The following SLC6A4 variants were observed in gnomAD, a reference collection of about 807,000 sequenced individuals.
The protein encoded by SLC6A4 is solute carrier family 6 member 4, also known as sodium-dependent serotonin transporter.
In SLC6A4, 22 loss-of-function variants were observed where a neutral mutation model predicts 73.4. The ratio of observed to expected loss-of-function variants is 0.30; its 90% confidence interval spans 0.21 to 0.43. The LOEUF (loss-of-function observed/expected upper bound fraction) is 0.43, where lower values mean the gene tolerates loss of function less well. SLC6A4 is among the 20% of genes least tolerant of loss of function. The pLI is 1.00. For synonymous variants in SLC6A4, 270 were observed against 315.5 expected, an observed-to-expected ratio of 0.86 and a Z score of 1.53; for missense variants, 593 against 808.5, an observed-to-expected ratio of 0.73 and a Z score of 3.23.
chr17:30,226,879 A>AAAAAAAAAAAG (rs1555590902), intron 1 of SLC6A4, among the ~76,000 whole-genome samples: 11 of 119,562 alleles, frequency 9.2e-5, no homozygotes, highest in African/African-American at 3.0e-4. Flanking sequence ...TCTCAAAAAA[A>AAAAAAAAAAAG]AAAGAAAAAG....
At chr17:30,215,932 C>T (rs1257357643) in intron 7 of SLC6A4, 150 bp downstream of exon 7, 25 of 790,848 alleles carry the variant, frequency 3.2e-5, no homozygotes, top group Non-Finnish European at 5.0e-5. Context: ...CTCAACTGTA[C>T]TTTAATGCTT....
intron 3 of SLC6A4, among the ~76,000 whole-genome samples, chr17:30,220,962 G>A (rs1906727102): frequency 6.6e-6 from 1 of 151,164 alleles, no homozygotes; most frequent in East Asian, 1.9e-4. Flanking sequence ...TGGCTTGCTG[G>A]AGATTTGACT....
chr17:30,221,856 C>T lies in SLC6A4; in HGVS notation c.103G>A (p.Gly35Arg). The T allele has an allele frequency of 1.2e-6, 2 of 1,614,200 alleles. No individual in the cohort carries two copies. The highest frequency in any genetic ancestry group is 2.2e-5 in the South Asian group (2 of 91,084). The stretch of plus-strand genomic sequence containing the variant: ...ATTTGCCCGGACTCCACTTTGTCCC[C>T]TGGGGTGGGAACAACCTTCTGTAGA... ...GVLQKVVPTP[G>R]DKVESGQISN... The change falls in exon 3 of 15, where the codon GGG (glycine) becomes AGG (arginine). Residue 35 changes from glycine (G) to arginine (R), a missense_variant. Gly to Arg is a moderately radical substitution (Grantham distance 125, BLOSUM62 -2). Coordinates refer to ENST00000650711, the MANE Select transcript of SLC6A4 (RefSeq NM_001045.6).
In SLC6A4 at chr17:30,216,045, T is replaced by C. The variant is rs1397113268; in HGVS notation, c.972+37A>G. ...GGAGGACCAGCTTCGTTTAGTAAAA[T>C]GACAGACAGGTACACATATTTCCCT... On this transcript the variant is annotated intron_variant, in intron 7 of 14. Coordinates refer to ENST00000650711, the MANE Select transcript of SLC6A4 (RefSeq NM_001045.6). 7 of 1,594,344 alleles carry C rather than the reference T, an allele frequency of 4.4e-6. No homozygotes were observed. In the South Asian group the frequency reaches 7.8e-5, roughly 18 times the overall value.
chr17:30,208,169 G>C (rs1231503862), intron 12 of SLC6A4, among the ~76,000 whole-genome samples: 2 of 152,136 alleles, frequency 1.3e-5, no homozygotes, highest in African/African-American at 4.8e-5. Context: ...ATGGGCATCT[G>C]GGAAGAGACA....
chr17:30,233,855 C>G (rs145288934), intron 1 of SLC6A4, among the ~76,000 whole-genome samples: 10 of 152,276 alleles, frequency 6.6e-5, no homozygotes, highest in Admixed American at 2.6e-4. Flanking sequence ...TATATTCTCT[C>G]CAATTATACC....
In SLC6A4 at chr17:30,222,192, A is replaced by G. The variant is rs143715508; in HGVS notation, c.-123-111T>C. The G allele has an allele frequency of 2.7e-3, 1,766 of 662,484 alleles. 2 individuals carry two copies. Among genetic ancestry groups the G allele is most frequent in the Non-Finnish European group, 3.7e-3 (1,450 of 396,746 alleles). The allele number at this position is 662,484 out of a possible 1,614,324, so 41.0% of individuals were successfully genotyped here. ...CATTAGTTAACGGGATTACAAATGC[A>G]TCTGTTAAATGTGAGACATCCTATT... On this transcript the variant is annotated intron_variant, in intron 2 of 14. Transcript: ENST00000650711.
chr17:30,222,820 A>G lies in SLC6A4; in HGVS notation c.-125T>C. 2 of 1,304,434 alleles carry G rather than the reference A, an allele frequency of 1.5e-6. No homozygotes were observed. The highest frequency in any genetic ancestry group is 2.0e-6 in the Non-Finnish European group (2 of 988,918). The allele number at this position is 1,304,434 out of a possible 1,614,324, so 80.8% of individuals were successfully genotyped here. On this transcript the variant is annotated splice_region_variant and 5_prime_UTR_variant, in exon 2 of 15. It removes an upstream start codon present in the reference 5' UTR. Transcript: ENST00000650711. The stretch of plus-strand genomic sequence containing the variant: ...TCCTTAAACGGCACTGCTGCTCACC[A>G]TTTGTTCTTCTTTCCACTTGCCAGC...
chr17:30,210,787 T>C (rs1050729342), intron 10 of SLC6A4, 141 bp from the exon 11 acceptor site: 5 of 824,716 alleles, frequency 6.1e-6, no homozygotes, highest in African/African-American at 3.5e-5. Context: ...CGCTGGACCA[T>C]GTAAGCATCT....
intron 1 of SLC6A4, among the ~76,000 whole-genome samples, chr17:30,227,606 C>T (rs1906967749): frequency 6.6e-6 from 1 of 152,124 alleles, no homozygotes; most frequent in African/African-American, 2.4e-5. Flanking sequence ...CCACCTCAGG[C>T]TCCCGAGTAG....
chr17:30,225,443 A>C (rs769575459), intron 1 of SLC6A4, among the ~76,000 whole-genome samples: 1 of 152,168 alleles, frequency 6.6e-6, no homozygotes, highest in South Asian at 2.1e-4. Context: ...GGCTGAAAAC[A>C]AGCTGGCCCA....
In SLC6A4 at chr17:30,221,950, C is replaced by T. The variant is rs199540284; in HGVS notation, c.9G>A (p.Thr3=). 1.9e-5 allele frequency: 31 copies of T among 1,614,056 alleles called. No homozygotes were observed. Among genetic ancestry groups the T allele is most frequent in the African/African-American group, 1.9e-4 (14 of 75,016 alleles). ...GCTGCTTCTGAGAATTCAAGGGCGT[C>T]GTCTCCATCCTGCTGGTTAGTAAAT... ME[T]TPLNSQKQLS... Residue 3 remains threonine (T), a synonymous_variant, in exon 3 of 15, where the codon ACG becomes ACA. Coordinates refer to ENST00000650711, the MANE Select transcript of SLC6A4 (RefSeq NM_001045.6).
intron 12 of SLC6A4, among the ~76,000 whole-genome samples, chr17:30,208,245 T>C (rs905744670): frequency 6.6e-6 from 1 of 152,140 alleles, no homozygotes; most frequent in Non-Finnish European, 1.5e-5. Context: ...TTCATTGTTA[T>C]TATAAAACAG....
chr17:30,230,278 C>T (rs575399504), intron 1 of SLC6A4, among the ~76,000 whole-genome samples: 81 of 152,196 alleles, frequency 5.3e-4, no homozygotes, highest in Non-Finnish European at 9.7e-4. Flanking sequence ...TAAATGTGGA[C>T]GAGGCTGGGA....
intron 1 of SLC6A4, among the ~76,000 whole-genome samples, chr17:30,228,801 G>T (rs56404307): frequency 6.6e-6 from 1 of 152,242 alleles, no homozygotes; most frequent in East Asian, 1.9e-4. Flanking sequence ...TTTGTCACTC[G>T]CCATTGATTA....
chr17:30,207,726 A>T lies in SLC6A4; in HGVS notation c.1650+6T>A, dbSNP rs773229105. On this transcript the variant is annotated splice_donor_region_variant and intron_variant, in intron 13 of 14. Coordinates refer to ENST00000650711, the MANE Select transcript of SLC6A4 (RefSeq NM_001045.6). Reference sequence around the variant, plus strand: ...GGCAAGGAGGAGAAGGGAAATGGCAACTCACCAGGAGAAACAGAGGGCTGA... The same window carrying T: ...GGCAAGGAGGAGAAGGGAAATGGCATCTCACCAGGAGAAACAGAGGGCTGA... The T allele has an allele frequency of 6.3e-6, 10 of 1,591,566 alleles. No homozygotes were observed. The highest frequency in any genetic ancestry group is 1.7e-5 in the Admixed American group (1 of 59,928).
chr17:30,201,936 C>T (rs1309674109), intron 14 of SLC6A4, among the ~76,000 whole-genome samples: 1 of 152,014 alleles, frequency 6.6e-6, no homozygotes, highest in Non-Finnish European at 1.5e-5. Flanking sequence ...GATCTTGTTT[C>T]TATTAAAAAT....
Position 30,216,082 on chromosome 17 carries a change from C to T in SLC6A4, c.972G>A (p.Gly324=). Reference sequence around the variant, plus strand: ...ACACATATTTCCCTCATCATCTTACCCCTGTCTCCAGGAGTTTCTGCCAAT... The same window carrying T: ...ACACATATTTCCCTCATCATCTTACTCCTGTCTCCAGGAGTTTCTGCCAAT... The part of the protein sequence containing the change: ...KPNWQKLLET[G]VWIDAAAQIF... The change falls in exon 7 of 15, where the codon GGG becomes GGA. Residue 324 remains glycine (G), a splice_region_variant and synonymous_variant. Coordinates refer to ENST00000650711, the MANE Select transcript of SLC6A4 (RefSeq NM_001045.6). The T allele has an allele frequency of 6.2e-7, 1 of 1,612,836 alleles. No individual in the cohort carries two copies. Among genetic ancestry groups the T allele is most frequent in the Non-Finnish European group, 8.5e-7 (1 of 1,179,416 alleles).
chr17:30,205,848 A>C (rs1387525883), intron 13 of SLC6A4: 1 of 152,250 alleles, frequency 6.6e-6, no homozygotes, highest in Admixed American at 6.5e-5. Flanking sequence ...TGGGTACAAA[A>C]GAAGTACAAA....
Sources: allele counts gnomAD v4.1 joint callset (sites outside exome capture counted in the v4.1 genomes callset), GRCh38; gene constraint gnomAD v4.1.1; transcripts MANE v1.5; gene names NCBI Gene and HGNC (gene_info 2026-07-23, HGNC 2026-07-21).